JPH1: variants seen among roughly 807,000 people sequenced by gnomAD.
JPH1 encodes junctophilin-1.
JPH1 carries 12 observed loss-of-function variants against 53.6 expected under a neutral mutation model. That is an observed-to-expected ratio of 0.22 (90% CI 0.14 to 0.36). The LOEUF is 0.36. Among genes scored for constraint, JPH1 ranks in the 10% least tolerant of loss-of-function variants. The pLI is 1.00. For missense variants in JPH1, 808 were observed against 905.5 expected, an observed-to-expected ratio of 0.89 and a Z score of 1.38; for synonymous variants, 375 against 363.8, an observed-to-expected ratio of 1.03 and a Z score of -0.35.
At chr8:74,288,190 G>A (rs1357612716) in intron 2 of JPH1, among the ~76,000 whole-genome samples, 1 of 152,136 alleles carries the variant, frequency 6.6e-6, no homozygotes, top group Non-Finnish European at 1.5e-5. Flanking sequence ...AGATGGAGGC[G>A]GGTGGAAAAG....
Position 74,315,401 on chromosome 8 carries a change from T to C in JPH1, c.599A>G (p.Asp200Gly), listed in dbSNP as rs753835977. The change falls in exon 2 of 6, where the codon GAC (aspartate) becomes GGC (glycine). Residue 200 changes from aspartate (D) to glycine (G), a missense_variant. Coordinates refer to ENST00000342232, the MANE Select transcript of JPH1 (RefSeq NM_020647.4). This position sits in a 1 kb window ranked among gnomAD's most constrained non-coding sequence, Gnocchi z 6.3. Reference sequence around the variant, plus strand: ...CTTCTTCTTGCCCGCTAGCTCAGCGTCTGCGTGGAAGTTGAGCACGAAACC... The same window carrying C: ...CTTCTTCTTGCCCGCTAGCTCAGCGCCTGCGTGGAAGTTGAGCACGAAACC... Reference protein sequence around the residue: ...RGGFVLNFHADAELAGKKKGG... With the variant: ...RGGFVLNFHAGAELAGKKKGG... The C allele has an allele frequency of 2.7e-5, 44 of 1,612,386 alleles. No individual in the cohort carries two copies. The highest frequency in any genetic ancestry group is 3.5e-5 in the Non-Finnish European group (41 of 1,179,948).
Position 74,259,416 on chromosome 8 carries a change from G to A in JPH1, c.1227C>T (p.Ala409=), listed in dbSNP as rs1055216265. 3.1e-6 allele frequency: 5 copies of A among 1,613,926 alleles called. No individual in the cohort carries two copies. The highest frequency in any genetic ancestry group is 3.4e-6 in the Non-Finnish European group (4 of 1,179,886). The part of the protein sequence containing the change: ...RQECDIARAV[A]RELSPDFYQP... Reference sequence around the variant, plus strand: ...GGTAGAAATCAGGTGACAGCTCCCTGGCCACAGCTCTCGCGATGTCGCACT... The same window carrying A: ...GGTAGAAATCAGGTGACAGCTCCCTAGCCACAGCTCTCGCGATGTCGCACT... The change falls in exon 3 of 6, where the codon GCC becomes GCT. Residue 409 remains alanine, a synonymous_variant. Transcript: ENST00000342232.
At chr8:74,244,466 A>C (rs1306487216) in intron 4 of JPH1, 63 bp downstream of exon 4, 1 of 1,520,162 alleles carries the variant, frequency 6.6e-7, no homozygotes, top group East Asian at 2.2e-5. Context: ...CAGTCACCCC[A>C]CACAGCTCGC....
intron 2 of JPH1, among the ~76,000 whole-genome samples, chr8:74,272,754 C>T (rs1376282008): frequency 2.0e-5 from 3 of 151,894 alleles, no homozygotes; most frequent in African/African-American, 7.3e-5. Context: ...CAGGCGCGCG[C>T]CACCATGCCC....
chr8:74,300,761 A>T (rs1175684612), intron 2 of JPH1, among the ~76,000 whole-genome samples: 1 of 152,234 alleles, frequency 6.6e-6, no homozygotes, highest in African/African-American at 2.4e-5. Context: ...GTTCAAAAAC[A>T]GGCGAAAGGA....
At chr8:74,256,309 G>T (rs188741734) in intron 3 of JPH1, among the ~76,000 whole-genome samples, 13 of 150,374 alleles carry the variant, frequency 8.6e-5, no homozygotes, top group African/African-American at 2.7e-4. Flanking sequence ...ACCAAACACC[G>T]CATGTTCTCA....
Position 74,244,639 on chromosome 8 carries a change from C to A in JPH1, c.1795G>T (p.Val599Phe). The change falls in exon 4 of 6, where the codon GTT becomes TTT. Residue 599 changes from valine to phenylalanine, a missense_variant. Physicochemically the swap from Val to Phe is conservative, Grantham distance 50. This residue lies in a region of JPH1 where 756 missense variants were observed against 811.9 expected (regional missense o/e 0.93). Transcript: ENST00000342232. ...GGCTCAGCTTTGCTTTCTTTGGCAA[C>A]TGGTTTTGTCACAGATTTGGAGGGA... ...WSPSKSVTKP[V>F]AKESKAEPKA... 6.2e-7 allele frequency: 1 copy of A among 1,614,202 alleles called. No homozygotes were observed. The highest frequency in any genetic ancestry group is 8.5e-7 in the Non-Finnish European group (1 of 1,180,050).
rs149553339 is a variant in JPH1, at chr8:74,292,596, G to A, written c.1139+22265C>T. On this transcript the variant is annotated intron_variant, in intron 2 of 5. Coordinates refer to ENST00000342232, the MANE Select transcript of JPH1 (RefSeq NM_020647.4). ...AGCCTAAACAGACACACTTACAAACGGGTAAAATGAAGATATTTTAATAAT... is the reference window on the plus strand; with the variant it reads ...AGCCTAAACAGACACACTTACAAACAGGTAAAATGAAGATATTTTAATAAT... 2.0e-5 allele frequency among the ~76,000 whole-genome samples: 3 copies of A among 152,162 alleles called. No individual in the cohort carries two copies. In the East Asian group the frequency reaches 5.8e-4, roughly 29 times the overall value.
chr8:74,257,860 A>G (rs987044924), intron 3 of JPH1, among the ~76,000 whole-genome samples: 34 of 152,160 alleles, frequency 2.2e-4, no homozygotes, highest in African/African-American at 7.7e-4. Flanking sequence ...CTCTGTGATG[A>G]TGATATCTAT....
rs1054492542 is a variant in JPH1 at position 74,269,474 on chromosome 8, C to T, written c.1140-9971G>A. Among the ~76,000 whole-genome samples, 12 of 152,214 alleles carry T rather than the reference C, an allele frequency of 7.9e-5. 1 individual carries two copies. The highest frequency in any genetic ancestry group is 7.9e-4 in the Admixed American group (12 of 15,286). On this transcript the variant is annotated intron_variant, in intron 2 of 5. Transcript: ENST00000342232. ...TGGTGACAAGGAATCATTCATTCTA[C>T]AGTTCAACTAAGAAGCCCATACATA...
rs1010689942 is a variant in JPH1 at position 74,259,429 on chromosome 8, G to A, written c.1214C>T (p.Ala405Val). Residue 405 changes from alanine to valine, a missense_variant, in exon 3 of 6, where the codon GCG (alanine) becomes GTG (valine). This residue lies in a region of JPH1 where 756 missense variants were observed against 811.9 expected (regional missense o/e 0.93). Transcript: ENST00000342232. ...ALAARQECDI[A>V]RAVARELSPD... is the part of the protein sequence containing the mutation. ...TGACAGCTCCCTGGCCACAGCTCTCGCGATGTCGCACTCCTGGCGAGCGGC... is the reference window on the plus strand; with the variant it reads ...TGACAGCTCCCTGGCCACAGCTCTCACGATGTCGCACTCCTGGCGAGCGGC... 6.2e-7 allele frequency: 1 copy of A among 1,613,614 alleles called. No individual in the cohort carries two copies. The highest frequency in any genetic ancestry group is 8.5e-7 in the Non-Finnish European group (1 of 1,179,828).
chr8:74,257,206 G>T (rs900075236), intron 3 of JPH1, among the ~76,000 whole-genome samples: 1 of 152,178 alleles, frequency 6.6e-6, no homozygotes, highest in African/African-American at 2.4e-5. Context: ...ACCCGCTGTC[G>T]TCCATGCTAC....
chr8:74,270,722 G>A (rs1806673634), intron 2 of JPH1, among the ~76,000 whole-genome samples: 1 of 152,168 alleles, frequency 6.6e-6, no homozygotes, highest in South Asian at 2.1e-4. Context: ...CAAATAACAG[G>A]AATCTTTTCC....
At chr8:74,274,153 C>A (rs2131410497) in intron 2 of JPH1, among the ~76,000 whole-genome samples, 1 of 152,236 alleles carries the variant, frequency 6.6e-6, no homozygotes, top group East Asian at 1.9e-4. Flanking sequence ...AGATTCTGTA[C>A]CACACACCCT....
At chr8:74,312,397 C>T (rs995306679) in intron 2 of JPH1, among the ~76,000 whole-genome samples, 17 of 152,148 alleles carry the variant, frequency 1.1e-4, no homozygotes, top group Middle Eastern at 3.4e-3. Flanking sequence ...GACAGGTGTG[C>T]GCCACCGTGT....
intron 2 of JPH1, among the ~76,000 whole-genome samples, chr8:74,262,777 G>T (rs536392791): frequency 2.1e-4 from 32 of 152,352 alleles, no homozygotes; most frequent in Non-Finnish European, 2.8e-4. Context: ...TGGCTGGGGA[G>T]ACCTGGGGAG....
chr8:74,283,983 T>A (rs1259216956), intron 2 of JPH1, among the ~76,000 whole-genome samples: 1 of 152,154 alleles, frequency 6.6e-6, no homozygotes, highest in African/African-American at 2.4e-5. Flanking sequence ...CTTACATTCC[T>A]CCCCTCCACC....
chr8:74,287,270 A>G (rs1296364554), intron 2 of JPH1, among the ~76,000 whole-genome samples: 5 of 152,094 alleles, frequency 3.3e-5, no homozygotes, highest in Admixed American at 2.6e-4. Flanking sequence ...TGTCTCTACT[A>G]AAAATACAAA....
At chr8:74,307,667 A>G (rs897135779) in intron 2 of JPH1, among the ~76,000 whole-genome samples, 27 of 152,212 alleles carry the variant, frequency 1.8e-4, no homozygotes, top group African/African-American at 6.5e-4. Flanking sequence ...CGTTAAAATC[A>G]CTTGTGCTAA....
Sources: allele counts gnomAD v4.1 joint callset (sites outside exome capture counted in the v4.1 genomes callset), GRCh38; gene constraint gnomAD v4.1.1; regional missense constraint gnomAD v4.1.1; non-coding constraint Gnocchi (gnomAD v3.1); transcripts MANE v1.5; gene names NCBI Gene and HGNC (gene_info 2026-07-23, HGNC 2026-07-21).